The following BACH2 variants were observed in gnomAD, a reference collection of about 807,000 sequenced individuals.
The protein encoded by BACH2 is BACH transcriptional regulator 2.
In BACH2, 5 loss-of-function variants were observed where a neutral mutation model predicts 61.8. That is an observed-to-expected ratio of 0.08 (90% CI 0.04 to 0.17). The LOEUF (loss-of-function observed/expected upper bound fraction) is 0.17. BACH2 is among the 10% of genes least tolerant of loss of function. The pLI is 1.00. For synonymous variants in BACH2, 446 were observed against 440.1 expected (o/e 1.01, Z -0.17); for missense variants, 824 against 1,091.1 (o/e 0.76, Z 3.45).
At chr6:89,968,107 ACCAATT>A (rs1391641647) in intron 6 of BACH2, among the ~76,000 whole-genome samples, 1 of 152,164 alleles carries the variant, frequency 6.6e-6, no homozygotes, top group Non-Finnish European at 1.5e-5. Flanking sequence ...ACTCTACTTC[ACCAATT>A]CCAACTGTAA....
At chr6:90,252,263 T>C (rs1374378376) in intron 3 of BACH2, among the ~76,000 whole-genome samples, 1 of 152,266 alleles carries the variant, frequency 6.6e-6, no homozygotes, top group South Asian at 2.1e-4. Context: ...CTTGATAATA[T>C]CACCTGCCAT....
intron 3 of BACH2, among the ~76,000 whole-genome samples, chr6:90,237,077 C>T (rs1041572043): frequency 2.0e-5 from 3 of 152,116 alleles, no homozygotes; most frequent in Non-Finnish European, 4.4e-5. Context: ...GCGCCTGCCA[C>T]CACGCCCGGC....
intron 8 of BACH2, among the ~76,000 whole-genome samples, chr6:89,937,880 C>T (rs1773121147): frequency 6.6e-6 from 1 of 152,192 alleles, no homozygotes; most frequent in South Asian, 2.1e-4. Flanking sequence ...ATAACTACCT[C>T]TATATGAATA....
intron 4 of BACH2, among the ~76,000 whole-genome samples, chr6:90,114,373 A>C (rs927731819): frequency 6.6e-6 from 1 of 152,222 alleles, no homozygotes; most frequent in Non-Finnish European, 1.5e-5. Flanking sequence ...TACAAAAATC[A>C]ATACATGTGA....
chr6:90,167,764 T>C (rs928378120), intron 4 of BACH2, among the ~76,000 whole-genome samples: 1 of 152,202 alleles, frequency 6.6e-6, no homozygotes, highest in Non-Finnish European at 1.5e-5. Context: ...TATTCAATGA[T>C]TGAGAAAGAG....
chr6:90,128,039 C>A (rs747098992), intron 4 of BACH2, among the ~76,000 whole-genome samples: 2 of 152,128 alleles, frequency 1.3e-5, no homozygotes, highest in Non-Finnish European at 2.9e-5. Context: ...TATGCCCCCC[C>A]ATCTCCATTT....
chr6:90,217,399 T>C (rs566338435), intron 3 of BACH2, among the ~76,000 whole-genome samples: 14 of 152,348 alleles, frequency 9.2e-5, no homozygotes, highest in Non-Finnish European at 1.2e-4. Context: ...ACAATGTTGA[T>C]GTTGACCTAC....
At chr6:89,990,533 T>G (rs1265781718) in intron 6 of BACH2, among the ~76,000 whole-genome samples, 1 of 152,100 alleles carries the variant, frequency 6.6e-6, no homozygotes, top group African/African-American at 2.4e-5. Context: ...CTTTTTTTTT[T>G]CTTTATTTCA....
chr6:90,050,165 T>G (rs1189573139), intron 5 of BACH2, among the ~76,000 whole-genome samples: 1 of 152,220 alleles, frequency 6.6e-6, no homozygotes. Flanking sequence ...GTGATTTTTT[T>G]TGAACATTAA....
chr6:89,969,254 C>T (rs868144739), intron 6 of BACH2, among the ~76,000 whole-genome samples: 16 of 151,974 alleles, frequency 1.1e-4, no homozygotes, highest in Admixed American at 2.6e-4. Flanking sequence ...TGGGGTTTCT[C>T]CATGTTGGTC....
Position 89,995,775 on chromosome 6 carries a change from C to G in BACH2, c.243+12827G>C, listed in dbSNP as rs1378158896. On this transcript the variant is annotated intron_variant, in intron 6 of 8. Transcript: ENST00000257749. ...CCTTTAGAAATTTAGCATCCCCTTGCAGGATCTTGCACTCACCTATGCTAA... is the reference window on the plus strand; with the variant it reads ...CCTTTAGAAATTTAGCATCCCCTTGGAGGATCTTGCACTCACCTATGCTAA... Among the ~76,000 whole-genome samples the G allele has an allele frequency of 9.2e-5, 14 of 152,288 alleles. 1 individual carries two copies. The East Asian group carries it at 2.7e-3, about 29-fold the overall frequency.
At chr6:90,056,241 G>GAC (rs1414498072) in intron 5 of BACH2, among the ~76,000 whole-genome samples, 1 of 152,176 alleles carries the variant, frequency 6.6e-6, no homozygotes, top group African/African-American at 2.4e-5. Flanking sequence ...CACGTGCAGA[G>GAC]ACACACATAG....
Position 90,251,482 on chromosome 6 carries a change from A to ATAAAAAATG in BACH2, c.-275+1030_-275+1031insCATTTTTTA, listed in dbSNP as rs1770808155. 2.7e-5 allele frequency among the ~76,000 whole-genome samples: 4 copies of ATAAAAAATG among 147,368 alleles called. 1 individual carries two copies. Among genetic ancestry groups the ATAAAAAATG allele is most frequent in the Admixed American group, 6.8e-5 (1 of 14,754 alleles). On this transcript the variant is annotated intron_variant, in intron 3 of 8. Transcript: ENST00000257749. ...GATATAGAAACATTTAAAAATAGCC[A>ATAAAAAATG]CTCAGTACTCTGAAAACCATTAGTT... is the stretch of plus-strand genomic sequence containing the variant.
chr6:90,166,474 A>G (rs1396888999), intron 4 of BACH2, among the ~76,000 whole-genome samples: 1 of 152,226 alleles, frequency 6.6e-6, no homozygotes, highest in Non-Finnish European at 1.5e-5. Flanking sequence ...AAACTAGTTC[A>G]ACCATTGCAG....
chr6:90,274,267 T>C (rs1173286850), intron 1 of BACH2, among the ~76,000 whole-genome samples: 1 of 152,220 alleles, frequency 6.6e-6, no homozygotes, highest in Non-Finnish European at 1.5e-5. Context: ...AACCTTTATC[T>C]AACTCTTACA....
intron 5 of BACH2, among the ~76,000 whole-genome samples, chr6:90,014,440 G>A (rs10806418): frequency 0.02 from 976 of 47,922 alleles, 40 homozygotes; most frequent in African/African-American, 0.06. Context: ...GTGTGTGTGT[G>A]TATATATATA....
intron 2 of BACH2, among the ~76,000 whole-genome samples, chr6:90,261,401 C>G (rs1458598479): frequency 6.6e-6 from 1 of 152,186 alleles, no homozygotes; most frequent in Non-Finnish European, 1.5e-5. Context: ...TCCTTGACAA[C>G]TCTTGCTCTC....
At chr6:90,243,806 C>T (rs189969724) in intron 3 of BACH2, among the ~76,000 whole-genome samples, 5 of 152,334 alleles carry the variant, frequency 3.3e-5, no homozygotes, top group South Asian at 2.1e-4. Flanking sequence ...CATCTCACCC[C>T]ACCATCCCTG....
chr6:90,073,021 G>T (rs1781309625), intron 5 of BACH2, among the ~76,000 whole-genome samples: 1 of 152,196 alleles, frequency 6.6e-6, no homozygotes, highest in African/African-American at 2.4e-5. Context: ...CGATGAGAAG[G>T]AGCAAAAAGG....
Sources: allele counts gnomAD v4.1 joint callset (sites outside exome capture counted in the v4.1 genomes callset), GRCh38; gene constraint gnomAD v4.1.1; transcripts MANE v1.5; gene names NCBI Gene and HGNC (gene_info 2026-07-23, HGNC 2026-07-21).